ADK: variants seen among roughly 807,000 people sequenced by gnomAD.
The protein encoded by ADK is adenosine kinase, also known as N6,N6-dimethyladenosine kinase.
Under a neutral mutation model 44.7 loss-of-function variants are expected in ADK, and 24 were observed. That is an observed-to-expected ratio of 0.54 (90% CI 0.39 to 0.76). The LOEUF (loss-of-function observed/expected upper bound fraction) is 0.76, where lower values mean the gene tolerates loss of function less well. ADK is among the 30% of genes least tolerant of loss of function. The probability of loss-of-function intolerance (pLI) is 0.00; values close to 1 mark genes in which losing one functional copy is unlikely to be tolerated. For synonymous variants in ADK, 128 were observed against 142.6 expected, an observed-to-expected ratio of 0.90 and a Z score of 0.73; for missense variants, 321 against 425.1, an observed-to-expected ratio of 0.76 and a Z score of 2.15.
At chr10:74,504,970 A>G (rs895163740) in intron 6 of ADK, among the ~76,000 whole-genome samples, 1 of 151,944 alleles carries the variant, frequency 6.6e-6, no homozygotes, top group African/African-American at 2.4e-5. Context: ...TAATACATTT[A>G]TTGTTCATTA....
At chr10:74,487,558 A>G (rs542998643) in intron 6 of ADK, among the ~76,000 whole-genome samples, 1 of 151,978 alleles carries the variant, frequency 6.6e-6, no homozygotes, top group Admixed American at 6.6e-5. Flanking sequence ...TATTTTGAGA[A>G]CGAATTTAGT....
At chr10:74,453,587 C>G (rs998049071) in intron 6 of ADK, among the ~76,000 whole-genome samples, 3 of 152,046 alleles carry the variant, frequency 2.0e-5, no homozygotes, top group Admixed American at 6.6e-5. Flanking sequence ...AGTGGCCTTT[C>G]AGTGATTTTG....
chr10:74,303,150 C>T (rs1050861765), intron 3 of ADK, among the ~76,000 whole-genome samples: 1 of 152,064 alleles, frequency 6.6e-6, no homozygotes, highest in Non-Finnish European at 1.5e-5. Flanking sequence ...ATATGAAACA[C>T]AATAATGAGA....
At chr10:74,701,222 G>T (rs1325823340) in intron 10 of ADK, among the ~76,000 whole-genome samples, 1 of 152,206 alleles carries the variant, frequency 6.6e-6, no homozygotes, top group Non-Finnish European at 1.5e-5. Flanking sequence ...AAAGAACCCT[G>T]TGGAGATGGA....
chr10:74,661,640 A>G (rs753530283), intron 9 of ADK, among the ~76,000 whole-genome samples: 1 of 152,212 alleles, frequency 6.6e-6, no homozygotes, highest in Non-Finnish European at 1.5e-5. Context: ...TACTTGATAT[A>G]TAAACTTTCT....
intron 9 of ADK, among the ~76,000 whole-genome samples, chr10:74,632,099 T>C (rs1853451288): frequency 6.6e-6 from 1 of 152,156 alleles, no homozygotes; most frequent in Admixed American, 6.6e-5. Context: ...AGAAACTGTC[T>C]CTCTCCAGCT....
intron 6 of ADK, among the ~76,000 whole-genome samples, chr10:74,455,348 TAAAAAA>T (rs959701305): frequency 1.8e-4 from 28 of 151,934 alleles, no homozygotes; most frequent in African/African-American, 6.3e-4. Flanking sequence ...TTAAAAAAAA[TAAAAAA>T]TAAAAATTAC....
At chr10:74,429,809 CA>C (rs1300638476) in intron 6 of ADK, among the ~76,000 whole-genome samples, 1 of 152,134 alleles carries the variant, frequency 6.6e-6, no homozygotes, top group East Asian at 1.9e-4. Context: ...TTTCATTCAA[CA>C]AATATTTATC....
intron 7 of ADK, among the ~76,000 whole-genome samples, chr10:74,548,481 G>A (rs1849915978): frequency 6.6e-6 from 1 of 151,844 alleles, no homozygotes; most frequent in Non-Finnish European, 1.5e-5. Flanking sequence ...ATTTCAGAAG[G>A]GACACACGAT....
intron 6 of ADK, among the ~76,000 whole-genome samples, chr10:74,487,528 AT>A (rs138827614): frequency 0.043 from 6,377 of 147,766 alleles, 381 homozygotes; most frequent in African/African-American, 0.14. Context: ...TTTTTTGGCT[AT>A]TTTTTTTTTA....
chr10:74,296,092 GGGTT>G (rs1839803781), intron 3 of ADK, among the ~76,000 whole-genome samples: 1 of 145,388 alleles, frequency 6.9e-6, no homozygotes, highest in Non-Finnish European at 1.5e-5. Flanking sequence ...TACTTTCTTT[GGGTT>G]TCATTTGCAG....
At chr10:74,300,961 G>A (rs1047931209) in intron 3 of ADK, among the ~76,000 whole-genome samples, 8 of 152,102 alleles carry the variant, frequency 5.3e-5, no homozygotes, top group Admixed American at 2.0e-4. Flanking sequence ...CTGCAATCAC[G>A]GAGCTTCTAC....
At chr10:74,570,653 T>C (rs1850919442) in intron 7 of ADK, among the ~76,000 whole-genome samples, 1 of 152,248 alleles carries the variant, frequency 6.6e-6, no homozygotes, top group Admixed American at 6.5e-5. Flanking sequence ...CCTGAGACTT[T>C]GCTGAAGTTG....
intron 6 of ADK, among the ~76,000 whole-genome samples, chr10:74,426,480 A>G (rs2098368901): frequency 6.6e-6 from 1 of 152,228 alleles, no homozygotes; most frequent in Admixed American, 6.5e-5. Context: ...ATTACATGAA[A>G]CAAAAAGCAG....
At chr10:74,296,714 C>G (rs796563094) in intron 3 of ADK, among the ~76,000 whole-genome samples, 13 of 151,794 alleles carry the variant, frequency 8.6e-5, no homozygotes, top group African/African-American at 2.9e-4. Flanking sequence ...CAGGTTCACA[C>G]CATTCGCCTG....
intron 9 of ADK, among the ~76,000 whole-genome samples, chr10:74,619,391 G>T (rs1056609236): frequency 4.6e-5 from 7 of 151,640 alleles, no homozygotes; most frequent in African/African-American, 1.7e-4. Flanking sequence ...GGAGGCAGAG[G>T]TTGCAGTGAG....
intron 6 of ADK, among the ~76,000 whole-genome samples, chr10:74,517,621 C>T (rs747336310): frequency 2.7e-5 from 4 of 149,710 alleles, no homozygotes; most frequent in Non-Finnish European, 5.9e-5. Flanking sequence ...CCCAGGAGGT[C>T]GAGGGTGCAC....
intron 2 of ADK, among the ~76,000 whole-genome samples, chr10:74,212,699 A>G (rs1843864114): frequency 2.6e-5 from 4 of 152,226 alleles, no homozygotes; most frequent in Admixed American, 2.6e-4. Context: ...GGCAGATGAC[A>G]TGGTTGGATT....
chr10:74,205,962 T>C (rs1843581074), intron 2 of ADK, among the ~76,000 whole-genome samples: 1 of 152,212 alleles, frequency 6.6e-6, no homozygotes, highest in Non-Finnish European at 1.5e-5. Flanking sequence ...GTCTACAGTT[T>C]ATTGTATGTC....
Sources: gnomAD v4.1 joint callset for allele counts (sites outside exome capture counted in the v4.1 genomes callset) on GRCh38, gnomAD v4.1.1 for gene constraint, MANE v1.5 for transcripts, NCBI Gene and HGNC (gene_info 2026-07-23, HGNC 2026-07-21) for gene names.